The following BEND6 variants were observed in gnomAD, a reference collection of about 807,000 sequenced individuals.
The protein encoded by BEND6 is BEN domain-containing protein 6.
A neutral mutation model predicts 31.8 loss-of-function variants in BEND6; 24 were observed. The observed-to-expected ratio is 0.75, with a 90% CI of 0.55 to 1.06. The LOEUF is 1.06. BEND6 is among the 50% of genes least tolerant of loss of function. The pLI, the probability that BEND6 is intolerant of heterozygous loss-of-function variation, is 0.00. For synonymous variants in BEND6, 109 were observed against 114.6 expected (o/e 0.95, Z 0.31); for missense variants, 294 against 327.4 (o/e 0.90, Z 0.79).
At chr6:57,015,748 T>G (rs2127891036) in intron 4 of BEND6, among the ~76,000 whole-genome samples, 1 of 144,346 alleles carries the variant, frequency 6.9e-6, no homozygotes, top group East Asian at 2.0e-4. Context: ...GAGCTTGCAG[T>G]GAGCCGAGAT....
chr6:56,984,192 G>A (rs1826171115), intron 2 of BEND6, among the ~76,000 whole-genome samples: 1 of 151,016 alleles, frequency 6.6e-6, no homozygotes, highest in Non-Finnish European at 1.5e-5. Context: ...CTGCACTTCA[G>A]ACTGGGTGAC....
At chr6:56,990,303 G>A (rs1281526958) in intron 2 of BEND6, among the ~76,000 whole-genome samples, 1 of 126,814 alleles carries the variant, frequency 7.9e-6, no homozygotes, top group Non-Finnish European at 1.6e-5. Context: ...CAGGCTGTGT[G>A]TGATGTGATC....
intron 2 of BEND6, among the ~76,000 whole-genome samples, chr6:56,983,419 G>T (rs1048381193): frequency 7.2e-5 from 11 of 152,110 alleles, no homozygotes; most frequent in African/African-American, 2.7e-4. Context: ...CTGTGTATCT[G>T]CTACTTCATA....
intron 1 of BEND6, among the ~76,000 whole-genome samples, chr6:56,965,957 A>G (rs1276998250): frequency 1.3e-5 from 2 of 152,168 alleles, no homozygotes; most frequent in African/African-American, 2.4e-5. Context: ...CTCAACTTTC[A>G]AGATGAATAG....
rs544025218 is a variant in BEND6, at chr6:57,025,910, G to T, written c.*10-172G>T. 3.3e-5 allele frequency among the ~76,000 whole-genome samples: 5 copies of T among 152,186 alleles called. No individual in the cohort carries two copies. In the South Asian group the frequency reaches 1.0e-3, roughly 32 times the overall value. ...TTTGTTTTTGGTTTTCTGTGATAGG[G>T]AGTGAAGCCAGCTTGCTTCTACACT... On this transcript the variant is annotated intron_variant, in intron 6 of 6. Transcript: ENST00000370746.
At chr6:57,005,667 G>A (rs1827131230) in intron 3 of BEND6, among the ~76,000 whole-genome samples, 1 of 149,404 alleles carries the variant, frequency 6.7e-6, no homozygotes, top group South Asian at 2.1e-4. Flanking sequence ...GCGACAGAGC[G>A]AGACTCCATT....
At chr6:56,991,666 C>G (rs976242885) in intron 2 of BEND6, among the ~76,000 whole-genome samples, 1 of 152,042 alleles carries the variant, frequency 6.6e-6, no homozygotes, top group African/African-American at 2.4e-5. Flanking sequence ...CAGCCACTTT[C>G]TGGAGATTTT....
At chr6:57,015,577 G>A (rs978038986) in intron 4 of BEND6, among the ~76,000 whole-genome samples, 1 of 150,924 alleles carries the variant, frequency 6.6e-6, no homozygotes, top group Admixed American at 6.6e-5. Flanking sequence ...GAGGCGGGCA[G>A]ATCATGAGGT....
At chr6:57,015,811 A>C (rs1827539284) in intron 4 of BEND6, among the ~76,000 whole-genome samples, 1 of 137,572 alleles carries the variant, frequency 7.3e-6, no homozygotes, top group Non-Finnish European at 1.6e-5. Flanking sequence ...ACTCCGTCTG[A>C]AAAAAAAAAA....
In BEND6 at chr6:56,981,665, C is replaced by G. The variant is rs76175142; in HGVS notation, c.-100-46C>G. The G allele has an allele frequency of 3.8e-6, 3 of 783,364 alleles. No homozygotes were observed. The South Asian group carries it at 5.1e-5, about 13-fold the overall frequency. 48.5% of individuals were successfully genotyped at this position (783,364 alleles called of 1,614,324 possible). A position where few individuals can be genotyped will look rare whatever the true frequency, so the allele number is the denominator to read the frequency against. ...GTGGCTAGTACCATTATGAAACATA[C>G]AGTTGTGAATATGTTATGTGTCATG... On this transcript the variant is annotated intron_variant, in intron 1 of 6. Transcript: ENST00000370746.
At chr6:57,019,556 G>A (rs1422647135) in intron 6 of BEND6, among the ~76,000 whole-genome samples, 2 of 152,134 alleles carry the variant, frequency 1.3e-5, no homozygotes, top group African/African-American at 4.8e-5. Context: ...AATGAGATGT[G>A]GAGCTGAATG....
chr6:56,986,147 G>T (rs563699549), intron 2 of BEND6, among the ~76,000 whole-genome samples: 1 of 151,450 alleles, frequency 6.6e-6, no homozygotes, highest in South Asian at 2.1e-4. Flanking sequence ...ATTTAACGTG[G>T]GTATAGCTAT....
chr6:57,022,451 T>G (rs1358493651), intron 6 of BEND6, among the ~76,000 whole-genome samples: 1 of 152,136 alleles, frequency 6.6e-6, no homozygotes, highest in Non-Finnish European at 1.5e-5. Flanking sequence ...GTCTTTGTAT[T>G]TGTGTGGTCT....
intron 3 of BEND6, chr6:57,004,427 C>T (rs1827072705): frequency 1.7e-6 from 1 of 575,776 alleles, no homozygotes; most frequent in Non-Finnish European, 3.2e-6. Context: ...CATCCCCCCA[C>T]CCCAGCTGGC....
chr6:56,979,004 C>G (rs146359302), intron 1 of BEND6, among the ~76,000 whole-genome samples: 106 of 152,296 alleles, frequency 7.0e-4, no homozygotes, highest in African/African-American at 2.3e-3. Flanking sequence ...TTTACTTCCC[C>G]TATTGTCAAA....
At chr6:56,975,730 A>T (rs1303929920) in intron 1 of BEND6, 1 of 486,144 alleles carries the variant, frequency 2.1e-6, no homozygotes, top group Non-Finnish European at 4.1e-6. Context: ...TATTTTGTGC[A>T]TTCAATTGGT....
At chr6:56,993,738 C>A (rs1826597157) in intron 3 of BEND6, among the ~76,000 whole-genome samples, 1 of 152,140 alleles carries the variant, frequency 6.6e-6, no homozygotes, top group African/African-American at 2.4e-5. Context: ...TGCTCTGTTG[C>A]CCAGGATGGA....
At chr6:57,000,864 C>A in intron 3 of BEND6, among the ~76,000 whole-genome samples, 4 of 134,220 alleles carry the variant, frequency 3.0e-5, no homozygotes, top group Non-Finnish European at 3.1e-5. Context: ...GGCATTCAAC[C>A]AATATTAAAC....
intron 3 of BEND6, among the ~76,000 whole-genome samples, chr6:57,004,300 G>A (rs1421638414): frequency 1.3e-5 from 2 of 151,214 alleles, no homozygotes; most frequent in African/African-American, 2.4e-5. Flanking sequence ...ACATCTCCTC[G>A]AAACGATAAC....
Sources: gnomAD v4.1 joint callset for allele counts (sites outside exome capture counted in the v4.1 genomes callset) on GRCh38, gnomAD v4.1.1 for gene constraint, MANE v1.5 for transcripts, NCBI Gene and HGNC (gene_info 2026-07-23, HGNC 2026-07-21) for gene names.